Variants in DLG2 observed in about 807,000 individuals in gnomAD.
DLG2 encodes the protein disks large homolog 2.
A neutral mutation model predicts 132.5 loss-of-function variants in DLG2; 45 were observed. The observed-to-expected ratio is 0.34, with a 90% CI of 0.27 to 0.44. DLG2 has a LOEUF of 0.44. Ranked by LOEUF, DLG2 falls within the 20% of genes least tolerant of loss-of-function variation. The pLI, the probability that DLG2 is intolerant of heterozygous loss-of-function variation, is 1.00. For missense variants in DLG2, 1,045 were observed against 1,196.9 expected (o/e 0.87, Z 1.87); for synonymous variants, 424 against 419.6 (o/e 1.01, Z -0.13).
intron 7 of DLG2, among the ~76,000 whole-genome samples, chr11:84,509,156 C>T (rs2099250373): frequency 6.6e-6 from 1 of 152,128 alleles, no homozygotes; most frequent in Non-Finnish European, 1.5e-5. Flanking sequence ...TTAATGCTCA[C>T]CTGAGGATAA....
intron 17 of DLG2, chr11:83,791,655 C>G (rs1295874676): frequency 1.2e-5 from 4 of 325,814 alleles, no homozygotes; most frequent in African/African-American, 6.7e-5. Flanking sequence ...GATGGTCAGC[C>G]GGGCGCGGTG....
intron 3 of DLG2, among the ~76,000 whole-genome samples, chr11:85,451,141 T>A (rs1056414154): frequency 6.6e-6 from 1 of 152,158 alleles, no homozygotes; most frequent in African/African-American, 2.4e-5. Flanking sequence ...CTAACCCATA[T>A]CTGCAAATGA....
chr11:85,062,547 A>C (rs1361643128), intron 6 of DLG2, among the ~76,000 whole-genome samples: 1 of 151,714 alleles, frequency 6.6e-6, no homozygotes, highest in Non-Finnish European at 1.5e-5. Flanking sequence ...AAATGAAAAA[A>C]AAAAACTGAC....
At chr11:85,221,841 C>A (rs112160439) in intron 4 of DLG2, among the ~76,000 whole-genome samples, 2,401 of 152,250 alleles carry the variant, frequency 0.016, 30 homozygotes, top group Middle Eastern at 0.041. Flanking sequence ...GACTCTAGCA[C>A]CTATTTCACA....
At chr11:85,326,379 C>T (rs1194433900) in intron 3 of DLG2, among the ~76,000 whole-genome samples, 22 of 128,046 alleles carry the variant, frequency 1.7e-4, no homozygotes, top group African/African-American at 4.8e-4. Context: ...AGAGAAAGGT[C>T]GGGTTACCCT....
intron 3 of DLG2, among the ~76,000 whole-genome samples, chr11:85,451,444 A>T (rs373215863): frequency 2.0e-5 from 3 of 152,162 alleles, no homozygotes; most frequent in Non-Finnish European, 4.4e-5. Flanking sequence ...AAACTGGCTC[A>T]TGCTGCTCTC....
chr11:83,706,676 A>G (rs940519473), intron 18 of DLG2, among the ~76,000 whole-genome samples: 2 of 152,216 alleles, frequency 1.3e-5, no homozygotes, highest in Non-Finnish European at 2.9e-5. Context: ...AGCTCTACCC[A>G]CCAGTTCCCT....
chr11:83,923,029 G>A (rs926734687), intron 15 of DLG2, among the ~76,000 whole-genome samples: 6 of 152,136 alleles, frequency 3.9e-5, no homozygotes, highest in South Asian at 4.1e-4. Flanking sequence ...GCCTATAAAC[G>A]TAATAATAAA....
intron 6 of DLG2, among the ~76,000 whole-genome samples, chr11:84,746,556 T>C (rs552559312): frequency 2.6e-5 from 4 of 152,140 alleles, no homozygotes; most frequent in East Asian, 1.9e-4. Flanking sequence ...TCAGTTTCTA[T>C]ATCTATAAGA....
chr11:85,016,507 T>C (rs552635983), intron 6 of DLG2, among the ~76,000 whole-genome samples: 1 of 152,256 alleles, frequency 6.6e-6, no homozygotes, highest in African/African-American at 2.4e-5. Flanking sequence ...TTTCTTTTAC[T>C]GTGATTCTTC....
At chr11:84,708,059 A>G (rs886522151) in intron 6 of DLG2, among the ~76,000 whole-genome samples, 14 of 151,818 alleles carry the variant, frequency 9.2e-5, no homozygotes, top group African/African-American at 3.4e-4. Flanking sequence ...ATGTATAAAC[A>G]TGAAAGGAAC....
intron 8 of DLG2, among the ~76,000 whole-genome samples, chr11:84,200,553 C>T (rs1239370610): frequency 2.6e-5 from 4 of 152,076 alleles, no homozygotes; most frequent in African/African-American, 7.2e-5. Context: ...GCCATTTTCA[C>T]GATATTGATT....
At chr11:85,453,200 GA>G in intron 3 of DLG2, 1 of 369,772 alleles carries the variant, frequency 2.7e-6, no homozygotes, top group Non-Finnish European at 4.8e-6. Context: ...CAAAGGCCAA[GA>G]GGGAGATAAC....
chr11:85,202,984 T>C (rs2152555873), intron 4 of DLG2, among the ~76,000 whole-genome samples: 1 of 151,130 alleles, frequency 6.6e-6, no homozygotes, highest in Non-Finnish European at 1.5e-5. Context: ...CTCACAGAGC[T>C]AGAAAATAAG....
At chr11:83,771,590 G>A (rs2094395203) in intron 18 of DLG2, among the ~76,000 whole-genome samples, 1 of 151,990 alleles carries the variant, frequency 6.6e-6, no homozygotes, top group African/African-American at 2.4e-5. Flanking sequence ...AATACTCTAG[G>A]CAACTGTAAC....
intron 7 of DLG2, among the ~76,000 whole-genome samples, chr11:84,265,803 C>T (rs989459873): frequency 1.3e-5 from 2 of 151,866 alleles, no homozygotes; most frequent in African/African-American, 4.8e-5. Context: ...CCCATTGCTC[C>T]TAAGCATCTT....
Position 85,177,118 on chromosome 11 carries a change from G to A in DLG2, c.187-22467C>T, listed in dbSNP as rs145790501. On this transcript the variant is annotated intron_variant, in intron 4 of 27. Transcript: ENST00000376104. ...TCCCATTACTGAGTATATACCCAAA[G>A]GAATATAAATCATTCTATTATAGAG... 9.2e-3 allele frequency among the ~76,000 whole-genome samples: 1,404 copies of A among 151,882 alleles called. 16 individuals carry two copies. The highest frequency in any genetic ancestry group is 0.032 in the African/African-American group (1,317 of 41,382).
chr11:85,406,038 C>G (rs908191645), intron 3 of DLG2, among the ~76,000 whole-genome samples: 4 of 152,028 alleles, frequency 2.6e-5, no homozygotes, highest in South Asian at 4.1e-4. Flanking sequence ...CTAATCACTA[C>G]AGTAAATTTT....
At chr11:84,947,377 T>C (rs933284339) in intron 6 of DLG2, among the ~76,000 whole-genome samples, 25 of 152,220 alleles carry the variant, frequency 1.6e-4, no homozygotes, top group Non-Finnish European at 8.8e-5. Flanking sequence ...AAAATGGTGA[T>C]GACTTGGTCA....
Sources: gnomAD v4.1 joint callset for allele counts (sites outside exome capture counted in the v4.1 genomes callset) on GRCh38, gnomAD v4.1.1 for gene constraint, MANE v1.5 for transcripts, NCBI Gene and HGNC (gene_info 2026-07-23, HGNC 2026-07-21) for gene names.